ASB9: variants seen among roughly 807,000 people sequenced by gnomAD.
The protein encoded by ASB9 is ankyrin repeat and SOCS box protein 9.
ASB9 carries 5 observed loss-of-function variants against 16.6 expected under a neutral mutation model. The observed-to-expected ratio is 0.30, with a 90% confidence interval of 0.16 to 0.63. The LOEUF (loss-of-function observed/expected upper bound fraction) is 0.63. Among genes scored for constraint, ASB9 ranks in the 30% least tolerant of loss-of-function variants. ASB9 has a pLI of 0.82. For synonymous variants in ASB9, 100 were observed against 86.4 expected (o/e 1.16, Z -0.87); for missense variants, 216 against 229.4 (o/e 0.94, Z 0.38).
intron 1 of ASB9, among the ~76,000 whole-genome samples, chrX:15,263,622 G>T (rs1926154575): frequency 9.4e-6 from 1 of 106,926 alleles, no homozygotes; most frequent in South Asian, 4.3e-4. Flanking sequence ...ATATAAAGCT[G>T]CCTTCTCCAA....
intron 6 of ASB9, 137 bp from the exon 7 acceptor site, chrX:15,244,767 GT>G (rs1255857740): frequency 1.6e-5 from 11 of 666,847 alleles, no homozygotes; most frequent in African/African-American, 2.3e-5. Context: ...ATTTTCTGGG[GT>G]TTTTTTGTAG....
At position 15,262,607 on chromosome X, in the gene ASB9, A is replaced by G. The variant is rs1049185140; in HGVS notation, c.95-3662T>C. ...AAAATTTACAGTAGTGACAATTAAT[A>G]ATTTAACATTTTTCTTTGTGTGTAA... On this transcript the variant is annotated intron_variant, in intron 1 of 6. Coordinates refer to ENST00000380488, the MANE Select transcript of ASB9 (RefSeq NM_001031739.3). Among the ~76,000 whole-genome samples the G allele has an allele frequency of 8.9e-5, 10 of 112,737 alleles. No individual in the cohort carries two copies. In the Admixed American group the frequency reaches 9.4e-4, roughly 11 times the overall value.
At chrX:15,262,340 C>A (rs1926039637) in intron 1 of ASB9, among the ~76,000 whole-genome samples, 1 of 111,877 alleles carries the variant, frequency 8.9e-6, no homozygotes, top group East Asian at 2.8e-4. Flanking sequence ...TATGGTAACA[C>A]AATGTTTATT....
rs764289205 is a variant in ASB9, at chrX:15,254,688, A to G, written c.282+49T>C. 7.1e-6 allele frequency: 7 copies of G among 981,826 alleles called. No homozygotes were observed. The Admixed American group carries it at 1.5e-4, about 22-fold the overall frequency. 80.9% of individuals were successfully genotyped at this position (981,826 alleles called of 1,213,427 possible). ...GAAGTTATTCAGAAGGGATATACAT[A>G]GTCATTTTTCATTCTTGGTTTCTAA... On this transcript the variant is annotated intron_variant, in intron 3 of 6. Transcript: ENST00000380488.
intron 2 of ASB9, among the ~76,000 whole-genome samples, chrX:15,256,280 A>T (rs1453040564): frequency 9.4e-6 from 1 of 106,798 alleles, no homozygotes; most frequent in African/African-American, 3.4e-5. Context: ...TACTTCCAAC[A>T]GAGACTGCAT....
chrX:15,246,933 T>C (rs1489340454), intron 6 of ASB9, among the ~76,000 whole-genome samples: 1 of 111,861 alleles, frequency 8.9e-6, no homozygotes, highest in Admixed American at 9.5e-5. Context: ...TTAAAATCTT[T>C]TCCCTTTTCT....
chrX:15,266,240 G>A (rs1926377893), intron 1 of ASB9, among the ~76,000 whole-genome samples: 1 of 112,111 alleles, frequency 8.9e-6, no homozygotes, highest in Admixed American at 9.4e-5. Flanking sequence ...TGCCCAGCCA[G>A]AAGCTGCATT....
At chrX:15,254,907 C>T in intron 2 of ASB9, 63 bp from the exon 3 acceptor site, 1 of 916,508 alleles carries the variant, frequency 1.1e-6, no homozygotes, top group Non-Finnish European at 1.6e-6. Context: ...GGCTGCTTTT[C>T]AGCCACCATT....
Position 15,269,835 on chromosome X carries a change from C to A in ASB9, c.40G>T (p.Ala14Ser). ...ATGCCAGGAAAGTCCCTTGGCCCCG[C>A]GGGCTTGCTCCCATCCATGCCCCCT... Reference protein sequence around the residue: ...KQGGMDGSKPAGPRDFPGIRL... With the variant: ...KQGGMDGSKPSGPRDFPGIRL... The change falls in exon 1 of 7, where the codon GCG (alanine) becomes TCG (serine). Residue 14 changes from alanine (A) to serine (S), a missense_variant. Coordinates refer to ENST00000380488, the MANE Select transcript of ASB9 (RefSeq NM_001031739.3). 2.5e-6 allele frequency: 3 copies of A among 1,205,581 alleles called. No individual in the cohort carries two copies. Among genetic ancestry groups the A allele is most frequent in the Middle Eastern group, 2.3e-4 (1 of 4,342 alleles).
At chrX:15,264,583 G>A (rs1195259954) in intron 1 of ASB9, among the ~76,000 whole-genome samples, 1 of 111,120 alleles carries the variant, frequency 9.0e-6, no homozygotes, top group Non-Finnish European at 1.9e-5. Context: ...GGAGGTGGGA[G>A]CAGCAAGATG....
chrX:15,269,514 C>T (rs1196108928), intron 1 of ASB9, among the ~76,000 whole-genome samples: 1 of 111,940 alleles, frequency 8.9e-6, no homozygotes, highest in Non-Finnish European at 1.9e-5. Flanking sequence ...TGCATTTGAC[C>T]CACAAAGAAT....
rs887118339 is a variant in ASB9, at chrX:15,259,438, T to C, written c.95-493A>G. On this transcript the variant is annotated intron_variant, in intron 1 of 6. Transcript: ENST00000380488. ...GGAATCAAATCTAAACAGAACCATA[T>C]CTATTTATAGATTATCTCCTGTCCT... Among the ~76,000 whole-genome samples the C allele has an allele frequency of 2.7e-5, 3 of 112,646 alleles. No homozygotes were observed. In the Admixed American group the frequency reaches 2.8e-4, roughly 11 times the overall value.
At position 15,270,070 on chromosome X, in the gene ASB9, A is replaced by T; in HGVS notation, c.-196T>A. On this transcript the variant is annotated 5_prime_UTR_variant, in exon 1 of 7. The change abolishes an upstream ATG in the 5' untranslated region. Coordinates refer to ENST00000380488, the MANE Select transcript of ASB9 (RefSeq NM_001031739.3). ...GTGCTACCTGTGATCAGAGAGAGGC[A>T]TGCGCTCGTGTACACACACACACAC... is the stretch of plus-strand genomic sequence containing the variant. 2 of 337,708 alleles carry T rather than the reference A, an allele frequency of 5.9e-6. No individual in the cohort carries two copies. Among genetic ancestry groups the T allele is most frequent in the African/African-American group, 3.1e-5 (1 of 31,989 alleles). The allele number at this position is 337,708 out of a possible 1,213,427, so 27.8% of individuals were successfully genotyped here.
intron 6 of ASB9, among the ~76,000 whole-genome samples, chrX:15,247,015 C>T (rs1210805752): frequency 1.8e-5 from 2 of 111,517 alleles, no homozygotes; most frequent in African/African-American, 6.5e-5. Context: ...TGGGTTTTAC[C>T]AACATTCTCC....
intron 4 of ASB9, among the ~76,000 whole-genome samples, chrX:15,251,457 G>A (rs767769677): frequency 1.8e-5 from 2 of 112,069 alleles, no homozygotes; most frequent in Admixed American, 1.9e-4. Flanking sequence ...GCTCCTCTAC[G>A]TTTCTCTTGC....
intron 3 of ASB9, among the ~76,000 whole-genome samples, chrX:15,253,677 T>C (rs1925313772): frequency 8.9e-6 from 1 of 112,295 alleles, no homozygotes. Context: ...GAGGCTATCT[T>C]TTCTAATGTT....
rs1924502423 is a variant in ASB9 at position 15,244,633 on chromosome X, G to A, written c.761-3C>T. The A allele has an allele frequency of 1.7e-6, 2 of 1,198,980 alleles. No individual in the cohort carries two copies. The highest frequency in any genetic ancestry group is 1.8e-5 in the African/African-American group (1 of 56,180). On this transcript the variant is annotated splice_polypyrimidine_tract_variant and splice_region_variant and intron_variant, in intron 6 of 6. Coordinates refer to ENST00000380488, the MANE Select transcript of ASB9 (RefSeq NM_001031739.3). Reference sequence around the variant, plus strand: ...TAACTGCATCAAAGAAGGGGGCCCTGGAGAAAGATCATAAGACAAGTCATA... The same window carrying A: ...TAACTGCATCAAAGAAGGGGGCCCTAGAGAAAGATCATAAGACAAGTCATA...
At chrX:15,251,850 G>T (rs1189058907) in intron 4 of ASB9, among the ~76,000 whole-genome samples, 1 of 112,592 alleles carries the variant, frequency 8.9e-6, no homozygotes, top group Non-Finnish European at 1.9e-5. Context: ...TTTGTTTTAT[G>T]AAATAACTTG....
chrX:15,269,344 C>A (rs1406594934), intron 1 of ASB9, among the ~76,000 whole-genome samples: 2 of 111,846 alleles, frequency 1.8e-5, no homozygotes, highest in African/African-American at 6.5e-5. Context: ...TCTCTTTTGT[C>A]TCTTTTGAAA....
Sources: gnomAD v4.1 joint callset for allele counts (sites outside exome capture counted in the v4.1 genomes callset) on GRCh38, gnomAD v4.1.1 for gene constraint, MANE v1.5 for transcripts, NCBI Gene and HGNC (gene_info 2026-07-23, HGNC 2026-07-21) for gene names.